Variants in CHN2 observed in about 807,000 individuals in gnomAD.
CHN2 encodes the protein beta-chimaerin.
CHN2 carries 35 observed loss-of-function variants against 56.3 expected under a neutral mutation model. That is an observed-to-expected ratio of 0.62 (90% CI 0.47 to 0.82). The LOEUF (loss-of-function observed/expected upper bound fraction) is 0.82, where lower values mean the gene tolerates loss of function less well. Among genes scored for constraint, CHN2 ranks in the 40% least tolerant of loss-of-function variants. CHN2 has a pLI of 0.00. For synonymous variants in CHN2, 210 were observed against 212.8 expected (o/e 0.99, Z 0.12); for missense variants, 491 against 580.5 (o/e 0.85, Z 1.58).
chr7:29,168,985 T>C, intron 2 of CHN2, among the ~76,000 whole-genome samples: 1 of 152,198 alleles, frequency 6.6e-6, no homozygotes, highest in African/African-American at 2.4e-5. Flanking sequence ...TTCTATTTGA[T>C]GAAAATGGAA....
At chr7:29,380,422 C>A (rs1191281441) in intron 3 of CHN2, among the ~76,000 whole-genome samples, 2 of 152,140 alleles carry the variant, frequency 1.3e-5, no homozygotes, top group Non-Finnish European at 1.5e-5. Flanking sequence ...TAAAAAGGCT[C>A]CTTAGGGAGC....
In CHN2 at chr7:29,405,812, C is replaced by A. The variant is rs181921092; in HGVS notation, c.576+4984C>A. On this transcript the variant is annotated intron_variant, in intron 6 of 12. Transcript: ENST00000222792. ...TATTTTCTTCCTTCCCAGCTGCCCG[C>A]CTTTATATCCAAGGTGGTCCTTTCA... is the stretch of plus-strand genomic sequence containing the variant. Among the ~76,000 whole-genome samples, 49 of 152,278 alleles carry A rather than the reference C, an allele frequency of 3.2e-4. 1 individual carries two copies.
At chr7:29,437,716 G>T (rs1390119943) in intron 6 of CHN2, among the ~76,000 whole-genome samples, 1 of 146,768 alleles carries the variant, frequency 6.8e-6, no homozygotes, top group Non-Finnish European at 1.5e-5. Context: ...ATAGCTCTTT[G>T]CTTAGGGAAA....
At chr7:29,387,097 C>G (rs528292701) in intron 3 of CHN2, among the ~76,000 whole-genome samples, 4 of 152,132 alleles carry the variant, frequency 2.6e-5, no homozygotes, top group Non-Finnish European at 4.4e-5. Flanking sequence ...TAACAGCACT[C>G]ACTTACCTTG....
At chr7:29,285,478 C>G (rs911421355) in intron 1 of CHN2, among the ~76,000 whole-genome samples, 1 of 152,216 alleles carries the variant, frequency 6.6e-6, no homozygotes, top group South Asian at 2.1e-4. Flanking sequence ...TGGTCTGCTT[C>G]ACATAAAATA....
chr7:29,243,847 T>G (rs39085), intron 1 of CHN2, among the ~76,000 whole-genome samples: 111,047 of 152,060 alleles, frequency 0.73, 41,365 homozygotes, highest in East Asian at 0.93. Flanking sequence ...AATTACAGTT[T>G]ATCTCCATCA....
intron 2 of CHN2, among the ~76,000 whole-genome samples, chr7:29,149,189 C>T (rs1221954418): frequency 4.0e-5 from 4 of 100,350 alleles, no homozygotes; most frequent in Non-Finnish European, 5.5e-5. Flanking sequence ...GTCTGTTTCC[C>T]TTTTTTTTTT....
chr7:29,415,272 C>T (rs2128100715), intron 6 of CHN2, among the ~76,000 whole-genome samples: 1 of 152,312 alleles, frequency 6.6e-6, no homozygotes, highest in South Asian at 2.1e-4. Flanking sequence ...CAGGGGCCAC[C>T]TGGCTGGCAC....
intron 1 of CHN2, among the ~76,000 whole-genome samples, chr7:29,348,813 T>C (rs1345054682): frequency 6.6e-6 from 1 of 152,190 alleles, no homozygotes; most frequent in Non-Finnish European, 1.5e-5. Flanking sequence ...TTAATTTTTA[T>C]ATAAGCAATA....
intron 6 of CHN2, among the ~76,000 whole-genome samples, chr7:29,463,304 C>T (rs930805090): frequency 1.3e-5 from 2 of 152,192 alleles, no homozygotes; most frequent in East Asian, 1.9e-4. Context: ...GCTAAACCAG[C>T]GGCAGTGAAC....
chr7:29,494,982 T>A (rs1325231570), intron 7 of CHN2, among the ~76,000 whole-genome samples: 8 of 87,472 alleles, frequency 9.1e-5, no homozygotes, highest in Non-Finnish European at 1.7e-4. Flanking sequence ...AAAAAAAAAA[T>A]TGTCTACATT....
chr7:29,245,668 C>T (rs1317535101), intron 1 of CHN2, among the ~76,000 whole-genome samples: 2 of 152,200 alleles, frequency 1.3e-5, no homozygotes, highest in Non-Finnish European at 2.9e-5. Context: ...CAAAGCCACA[C>T]AGCCAGTACC....
intron 2 of CHN2, among the ~76,000 whole-genome samples, chr7:29,152,502 C>T (rs1375982947): frequency 6.6e-6 from 1 of 152,142 alleles, no homozygotes; most frequent in African/African-American, 2.4e-5. Flanking sequence ...CTTTACTGAG[C>T]CAAGGAGTCT....
rs536983455 is a variant in CHN2, at chr7:29,164,626, C to T, written c.274+17666C>T. Among the ~76,000 whole-genome samples, 8 of 151,682 alleles carry T rather than the reference C, an allele frequency of 5.3e-5. No homozygotes were observed. The South Asian group carries it at 1.5e-3, about 28-fold the overall frequency. ...CAAAACCCCATCTCTACTAAAAATA[C>T]AAAAATTAGCCACGCGTGGTGGCAT... is the stretch of plus-strand genomic sequence containing the variant. On this transcript the variant is annotated intron_variant, in intron 2 of 6. Transcript: ENST00000439384.
intron 6 of CHN2, among the ~76,000 whole-genome samples, chr7:29,451,484 CTGAT>C (rs1344464690): frequency 1.3e-5 from 2 of 151,912 alleles, no homozygotes; most frequent in African/African-American, 4.8e-5. Context: ...TTTTAATCCA[CTGAT>C]TGAAAAAAAT....
intron 3 of CHN2, among the ~76,000 whole-genome samples, chr7:29,388,844 G>A (rs1801140956): frequency 6.6e-6 from 1 of 152,220 alleles, no homozygotes; most frequent in African/African-American, 2.4e-5. Flanking sequence ...TAGGAGCACG[G>A]TGTGTGGACT....
intron 1 of CHN2, among the ~76,000 whole-genome samples, chr7:29,353,044 G>A (rs2128924308): frequency 6.6e-6 from 1 of 152,312 alleles, no homozygotes; most frequent in East Asian, 1.9e-4. Context: ...GAATAACATG[G>A]TAAACCATCA....
intron 2 of CHN2, among the ~76,000 whole-genome samples, chr7:29,365,796 G>T (rs1278582287): frequency 2.0e-5 from 3 of 152,200 alleles, no homozygotes; most frequent in African/African-American, 7.2e-5. Flanking sequence ...GCCATGTAAG[G>T]CTTTTAAGCA....
At chr7:29,432,645 C>T (rs1782933375) in intron 6 of CHN2, among the ~76,000 whole-genome samples, 1 of 152,194 alleles carries the variant, frequency 6.6e-6, no homozygotes, top group Non-Finnish European at 1.5e-5. Flanking sequence ...ATCCATTTCG[C>T]TGTACCTGGC....
Sources: gnomAD v4.1 joint callset for allele counts (sites outside exome capture counted in the v4.1 genomes callset) on GRCh38, gnomAD v4.1.1 for gene constraint, MANE v1.5 for transcripts, NCBI Gene and HGNC (gene_info 2026-07-23, HGNC 2026-07-21) for gene names.